Variants in LCN12 observed in about 807,000 individuals in gnomAD.
LCN12 encodes lipocalin 12, also known as epididymal-specific lipocalin-12.
A neutral mutation model predicts 23.7 loss-of-function variants in LCN12; 15 were observed. That is an observed-to-expected ratio of 0.63 (90% CI 0.42 to 0.97). LCN12 has a LOEUF of 0.97. Ranked by LOEUF, LCN12 falls within the 50% of genes least tolerant of loss-of-function variation. LCN12 has a pLI of 0.00. For synonymous variants in LCN12, 116 were observed against 111.5 expected, an observed-to-expected ratio of 1.04 and a Z score of -0.25; for missense variants, 219 against 249.6, an observed-to-expected ratio of 0.88 and a Z score of 0.83.
At chr9:136,951,243 C>T (rs1204721482), upstream of LCN12, 2 of 152,248 alleles carry the variant, frequency 1.3e-5, no homozygotes, top group Admixed American at 6.5e-5. Context: ...CCCTGCCAGC[C>T]CTCTGTTTAC....
Position 136,955,486 on chromosome 9 carries a change from A to G in LCN12, c.*87A>G. ...TCAGCTCTCAAACCTGAATAAATGC[A>G]CCAAGCCCAGAGCCCCAGAGTGTGA... On this transcript the variant is annotated 3_prime_UTR_variant, in exon 6 of 6. Transcript: ENST00000371633. The G allele has an allele frequency of 7.1e-7, 1 of 1,411,158 alleles. No homozygotes were observed. The highest frequency in any genetic ancestry group is 9.9e-7 in the Non-Finnish European group (1 of 1,008,096). The allele number at this position is 1,411,158 out of a possible 1,614,324, so 87.4% of individuals were successfully genotyped here. A position where few individuals can be genotyped will look rare whatever the true frequency, so the allele number is the denominator to read the frequency against.
At chr9:136,952,840 G>T in intron 1 of LCN12, 52 bp from the exon 2 acceptor site, 1 of 1,586,248 alleles carries the variant, frequency 6.3e-7, no homozygotes, top group South Asian at 1.1e-5. Flanking sequence ...TCCTGACCCT[G>T]CCCACTGCCA....
intron 1 of LCN12, 190 bp downstream of exon 1, chr9:136,952,631 C>T (rs919666346): frequency 4.8e-6 from 3 of 630,176 alleles, no homozygotes; most frequent in Non-Finnish European, 8.2e-6. Context: ...CCATTCCCTG[C>T]CGTCAGCCCA....
At chr9:136,955,779 C>T (rs1030772766), downstream of LCN12, among the ~76,000 whole-genome samples, 1 of 152,256 alleles carries the variant, frequency 6.6e-6, no homozygotes, top group Non-Finnish European at 1.5e-5. Context: ...GCAGGCTCTT[C>T]TCCACCTCCA....
chr9:136,953,136 T>G, intron 2 of LCN12, 108 bp downstream of exon 2: 2 of 1,442,840 alleles, frequency 1.4e-6, no homozygotes, highest in Non-Finnish European at 1.9e-6. Flanking sequence ...CACAGGCAGC[T>G]TCATGACTCT....
chr9:136,953,495 G>A lies in LCN12; in HGVS notation c.252-205G>A, dbSNP rs114830873. The A allele has an allele frequency of 1.0e-3, 593 of 565,598 alleles. 4 individuals carry two copies. The highest frequency in any genetic ancestry group is 0.01 in the African/African-American group (535 of 53,152). 35.0% of individuals were successfully genotyped at this position (565,598 alleles called of 1,614,324 possible). A position where few individuals can be genotyped will look rare whatever the true frequency, so the allele number is the denominator to read the frequency against. On this transcript the variant is annotated intron_variant, in intron 2 of 5. Transcript: ENST00000371633. ...GCACACCTGTAATCCCAGTACTTCA[G>A]GAGGCAGAGGCAGAAGGATCACTTG... is the stretch of plus-strand genomic sequence containing the variant.
upstream of LCN12, among the ~76,000 whole-genome samples, chr9:136,950,122 C>T (rs772458921): frequency 2.0e-5 from 3 of 152,250 alleles, no homozygotes; most frequent in Admixed American, 6.5e-5. Context: ...CTGCAGGGCC[C>T]TGATTGGGCG....
At chr9:136,954,553 C>G in intron 5 of LCN12, 1 of 474,618 alleles carries the variant, frequency 2.1e-6, no homozygotes, top group Non-Finnish European at 4.0e-6. Flanking sequence ...CCTCCCGCCC[C>G]AGGTCCCCTG....
At chr9:136,951,104 A>G (rs1851142518), upstream of LCN12, among the ~76,000 whole-genome samples, 1 of 151,944 alleles carries the variant, frequency 6.6e-6, no homozygotes, top group Admixed American at 6.6e-5. Context: ...CCTAACATGG[A>G]GTCCAGCACC....
intron 2 of LCN12, 167 bp downstream of exon 2, chr9:136,953,195 C>T: frequency 2.2e-6 from 2 of 896,816 alleles, no homozygotes; most frequent in Non-Finnish European, 3.4e-6. Context: ...AAAGTGTGGG[C>T]AGCTGGGCGC....
At chr9:136,954,054 C>A in intron 4 of LCN12, 90 bp downstream of exon 4, 1 of 1,545,012 alleles carries the variant, frequency 6.5e-7, no homozygotes, top group Non-Finnish European at 8.7e-7. Flanking sequence ...CCCACCCCGC[C>A]TGGAGTGACT....
rs745929849 is a variant in LCN12 at position 136,953,967 on chromosome 9, G to A, written c.448+3G>A. The A allele has an allele frequency of 4.4e-6, 7 of 1,608,004 alleles. No individual in the cohort carries two copies. Among genetic ancestry groups the A allele is most frequent in the Non-Finnish European group, 4.2e-6 (5 of 1,179,484 alleles). On this transcript the variant is annotated splice_donor_region_variant and intron_variant, in intron 4 of 5. Coordinates refer to ENST00000371633, the MANE Select transcript of LCN12 (RefSeq NM_178536.4). ...CGTCCTCAGGATCAGCCTGCTGGGT[G>A]AGCCTCCCACCCCGTCCTGGGCCCG...
chr9:136,953,852 C>G lies in LCN12; in HGVS notation c.336C>G (p.Pro112=), dbSNP rs777895857. The part of the protein sequence containing the change: ...GQFTVDHGVE[P]GADREETRVV... ...GTGACGTCTGTGCCGCCTCAGAGCC[C>G]GGGGCGGACAGAGAGGAGACCCGGG... The change falls in exon 4 of 6, where the codon CCC becomes CCG. Residue 112 remains proline (P), a synonymous_variant. Coordinates refer to ENST00000371633, the MANE Select transcript of LCN12 (RefSeq NM_178536.4). The G allele has an allele frequency of 1.3e-6, 2 of 1,599,856 alleles. No homozygotes were observed. The highest frequency in any genetic ancestry group is 1.7e-6 in the Non-Finnish European group (2 of 1,173,786).
At chr9:136,953,072 C>T (rs746834683) in intron 2 of LCN12, 44 bp downstream of exon 2, 10 of 1,606,732 alleles carry the variant, frequency 6.2e-6, no homozygotes, top group African/African-American at 1.3e-5. Context: ...AGGAGGATCC[C>T]GGGCCTGGGT....
chr9:136,956,492 C>A (rs1851319517), downstream of LCN12, among the ~76,000 whole-genome samples: 1 of 152,240 alleles, frequency 6.6e-6, no homozygotes, highest in Non-Finnish European at 1.5e-5. Flanking sequence ...TCCCCATGAT[C>A]AAGTCAAACG....
chr9:136,952,853 C>CCTGCCCACCGCCGCCCCTG, intron 1 of LCN12, 39 bp from the exon 2 acceptor site: 1 of 1,596,608 alleles, frequency 6.3e-7, no homozygotes, highest in East Asian at 2.2e-5. Flanking sequence ...CACTGCCACC[C>CCTGCCCACCGCCGCCCCTG]CTGCCCACCG....
chr9:136,952,969 C>G lies in LCN12; in HGVS notation c.192C>G (p.Phe64Leu), dbSNP rs1390604581. ...RPEHRALLNA[F>L]TATFELSDDG... ...AGCACAGGGCGCTGCTGAACGCTTT[C>G]ACCGCAACTTTTGAGCTAAGTGATG... The change falls in exon 2 of 6, where the codon TTC (phenylalanine) becomes TTG (leucine). Residue 64 changes from phenylalanine to leucine, a missense_variant. Coordinates refer to ENST00000371633, the MANE Select transcript of LCN12 (RefSeq NM_178536.4). The G allele has an allele frequency of 1.2e-6, 2 of 1,613,498 alleles. No individual in the cohort carries two copies. The highest frequency in any genetic ancestry group is 1.7e-6 in the Non-Finnish European group (2 of 1,179,714).
At chr9:136,950,403 G>T (rs1209594613), upstream of LCN12, among the ~76,000 whole-genome samples, 1 of 152,140 alleles carries the variant, frequency 6.6e-6, no homozygotes, top group Non-Finnish European at 1.5e-5. Flanking sequence ...CCTCTGTGTC[G>T]AGGACTCGGC....
chr9:136,953,055 G>A (rs750837520), intron 2 of LCN12, 27 bp downstream of exon 2: 3 of 1,612,700 alleles, frequency 1.9e-6, no homozygotes, highest in Admixed American at 3.3e-5. Flanking sequence ...GCCGTTCCAA[G>A]CGGGTGAGGA....
Sources: gnomAD v4.1 joint callset for allele counts (sites outside exome capture counted in the v4.1 genomes callset) on GRCh38, gnomAD v4.1.1 for gene constraint, MANE v1.5 for transcripts, NCBI Gene and HGNC (gene_info 2026-07-23, HGNC 2026-07-21) for gene names.